MICALL2: variants seen among roughly 807,000 people sequenced by gnomAD.
MICALL2 encodes MICAL like 2.
MICALL2 carries 111 observed loss-of-function variants against 91.1 expected under a neutral mutation model. The observed-to-expected ratio is 1.22, with a 90% confidence interval of 1.04 to 1.43. The LOEUF (loss-of-function observed/expected upper bound fraction) is 1.43, where lower values mean the gene tolerates loss of function less well. Ranked by LOEUF, MICALL2 falls within the 40% of genes most tolerant of loss-of-function variation. MICALL2 has a pLI of 0.00. For missense variants in MICALL2, 1,556 were observed against 1,236.0 expected (o/e 1.26, Z -3.88); for synonymous variants, 694 against 525.3 (o/e 1.32, Z -4.39).
chr7:1,439,363 A>C, intron 9 of MICALL2: 1 of 247,100 alleles, frequency 4.0e-6, no homozygotes, highest in South Asian at 9.0e-5. Context: ...ACATTCATGA[A>C]ACAGATCCAC....
intron 5 of MICALL2, 76 bp downstream of exon 5, chr7:1,446,637 G>GGAGGC: frequency 1.9e-6 from 2 of 1,068,644 alleles, no homozygotes; most frequent in Non-Finnish European, 2.8e-6. Flanking sequence ...AGGCCGGGTG[G>GGAGGC]GAGGCGATGG....
rs1554267313 is a variant in MICALL2 at position 1,442,182 on chromosome 7, C to T, written c.1711+10G>A. 6.2e-7 allele frequency: 1 copy of T among 1,611,686 alleles called. No individual in the cohort carries two copies. The highest frequency in any genetic ancestry group is 8.5e-7 in the Non-Finnish European group (1 of 1,179,726). On this transcript the variant is annotated intron_variant, in intron 7 of 16. Coordinates refer to ENST00000297508, the MANE Select transcript of MICALL2 (RefSeq NM_182924.4). ...CCCCGGGGCCTCCTGCCTCCCAGCC[C>T]CTTACTCACCCTGCGTTAAGGTGGT...
intron 1 of MICALL2, among the ~76,000 whole-genome samples, chr7:1,453,420 C>T (rs991969349): frequency 6.6e-6 from 1 of 152,154 alleles, no homozygotes; most frequent in Non-Finnish European, 1.5e-5. Context: ...CCGGGAAGAT[C>T]CTCCCTCCTG....
At chr7:1,441,693 G>A (rs1317373289) in intron 7 of MICALL2, 5 of 170,882 alleles carry the variant, frequency 2.9e-5, no homozygotes, top group Admixed American at 1.7e-4. Context: ...CGGAGGGGAC[G>A]GGGCATAGGG....
intron 6 of MICALL2, among the ~76,000 whole-genome samples, 189 bp from the exon 7 acceptor site, chr7:1,442,673 C>G (rs1019278317): frequency 4.4e-4 from 62 of 139,694 alleles, no homozygotes; most frequent in Non-Finnish European, 1.3e-4. Context: ...GCCTCCCCCA[C>G]CATTGCACCA....
intron 1 of MICALL2, among the ~76,000 whole-genome samples, chr7:1,454,130 A>G (rs1350296375): frequency 6.8e-6 from 1 of 146,182 alleles, no homozygotes; most frequent in Non-Finnish European, 1.5e-5. Context: ...CCGACATCAC[A>G]CTGTTTACTT....
Position 1,448,652 on chromosome 7 carries a change from T to C in MICALL2, c.302A>G (p.Gln101Arg), listed in dbSNP as rs762573460. 5 of 1,612,704 alleles carry C rather than the reference T, an allele frequency of 3.1e-6. No homozygotes were observed. In the East Asian group the frequency reaches 1.1e-4, roughly 36 times the overall value. ...GCGGCCGTGGAAGTAGTTGTAATAC[T>C]GGGACACGTAGGTCAAGATGCTCAG... ...DRLSILTYVS[Q>R]YYNYFHGRSP... Residue 101 changes from glutamine to arginine, a missense_variant, in exon 3 of 17, where the codon CAG (glutamine) becomes CGG (arginine). By Grantham distance (43) the Gln-to-Arg change is conservative. Transcript: ENST00000297508.
intron 5 of MICALL2, 40 bp from the exon 6 acceptor site, chr7:1,445,468 C>T: frequency 6.9e-7 from 1 of 1,450,222 alleles, no homozygotes; most frequent in Middle Eastern, 2.5e-4. Flanking sequence ...CTCGGCACCG[C>T]CCACCCCGCC....
chr7:1,440,110 A>C (rs750325450), intron 8 of MICALL2, 25 bp from the exon 9 acceptor site: 5 of 1,569,646 alleles, frequency 3.2e-6, no homozygotes, highest in Admixed American at 2.1e-5. Context: ...TGAGGTCGGA[A>C]CCCGAACCAC....
chr7:1,447,680 C>A lies in MICALL2; in HGVS notation c.420G>T (p.Lys140Asn). 6.3e-7 allele frequency: 1 copy of A among 1,583,520 alleles called. No individual in the cohort carries two copies. The highest frequency in any genetic ancestry group is 8.6e-7 in the Non-Finnish European group (1 of 1,165,768). Reference protein sequence around the residue: ...SGKKAPVQAAKLPSPAPARKP... With the variant: ...SGKKAPVQAANLPSPAPARKP... Reference sequence around the variant, plus strand: ...TCCGGGCTGGGGCGGGCGAGGGCAGCTTGGCCGCCTGGACTGGAGCCTTCT... The same window carrying A: ...TCCGGGCTGGGGCGGGCGAGGGCAGATTGGCCGCCTGGACTGGAGCCTTCT... The change falls in exon 4 of 17, where the codon AAG becomes AAT. Residue 140 changes from lysine to asparagine, a missense_variant. Coordinates refer to ENST00000297508, the MANE Select transcript of MICALL2 (RefSeq NM_182924.4).
chr7:1,450,466 G>A (rs896689116), intron 1 of MICALL2, 178 bp from the exon 2 acceptor site: 8 of 616,886 alleles, frequency 1.3e-5, no homozygotes, highest in Admixed American at 2.8e-5. Context: ...GCCCTGCTCC[G>A]GCCACGGTGA....
intron 1 of MICALL2, among the ~76,000 whole-genome samples, chr7:1,450,757 CAG>C (rs1780795598): frequency 6.6e-6 from 1 of 152,196 alleles, no homozygotes; most frequent in Non-Finnish European, 1.5e-5. Context: ...GCACCATATG[CAG>C]AGAGGGCCAG....
At position 1,459,453 on chromosome 7, in the gene MICALL2, C is replaced by G. The variant is rs544195269; in HGVS notation, c.-127G>C. 1 of 918,486 alleles carries G rather than the reference C, an allele frequency of 1.1e-6. No individual in the cohort carries two copies. Among genetic ancestry groups the G allele is most frequent in the Non-Finnish European group, 1.5e-6 (1 of 675,702 alleles). The allele number at this position is 918,486 out of a possible 1,614,324, so 56.9% of individuals were successfully genotyped here. A position where few individuals can be genotyped will look rare whatever the true frequency, so the allele number is the denominator to read the frequency against. ...GAACCGCCAGACCCACGGCGCCCAGCCCCAGCTGAGCCGGACTGAGGGCGA... is the reference window on the plus strand; with the variant it reads ...GAACCGCCAGACCCACGGCGCCCAGGCCCAGCTGAGCCGGACTGAGGGCGA... On this transcript the variant is annotated 5_prime_UTR_variant, in exon 1 of 17. Coordinates refer to ENST00000297508, the MANE Select transcript of MICALL2 (RefSeq NM_182924.4).
chr7:1,438,554 C>T (rs1353188381), intron 10 of MICALL2: 16 of 1,427,238 alleles, frequency 1.1e-5, no homozygotes, highest in South Asian at 6.1e-5. Flanking sequence ...CCACCCTGCA[C>T]CCTGCCCTCC....
At chr7:1,441,908 A>G (rs1780298234) in intron 7 of MICALL2, 1 of 494,042 alleles carries the variant, frequency 2.0e-6, no homozygotes, top group Non-Finnish European at 3.6e-6. Flanking sequence ...GACCGAGCTG[A>G]GCGGGACGCT....
rs575589672 is a variant in MICALL2 at position 1,440,518 on chromosome 7, G to A, written c.1805+73C>T. The A allele has an allele frequency of 1.9e-5, 25 of 1,338,538 alleles. No homozygotes were observed. In the East Asian group the frequency reaches 2.8e-4, roughly 15 times the overall value. The allele number at this position is 1,338,538 out of a possible 1,614,324, so 82.9% of individuals were successfully genotyped here. ...CCCTGGATAGGCGTGTCAATCGGTC[G>A]ATTACATACTCACTGCATTTATTAA... is the stretch of plus-strand genomic sequence containing the variant. On this transcript the variant is annotated intron_variant, in intron 8 of 16. Transcript: ENST00000297508.
intron 1 of MICALL2, 98 bp downstream of exon 1, chr7:1,459,086 G>A: frequency 7.7e-7 from 1 of 1,290,602 alleles, no homozygotes; most frequent in Non-Finnish European, 1.1e-6. Context: ...CCCACGCCTC[G>A]GCTCCCCATC....
In MICALL2 at chr7:1,442,010, C is replaced by A. The variant is rs76911567; in HGVS notation, c.1711+182G>T. The A allele has an allele frequency of 0.011, 7,946 of 721,460 alleles. 427 individuals carry two copies. In the African/African-American group the frequency reaches 0.12, roughly 11 times the overall value. 44.7% of individuals were successfully genotyped at this position (721,460 alleles called of 1,614,324 possible). Reference sequence around the variant, plus strand: ...TAGCCCTGAGGACATTTGCAGCCACCACACAGAGAGCGCACCAGGACCCCA... The same window carrying A: ...TAGCCCTGAGGACATTTGCAGCCACAACACAGAGAGCGCACCAGGACCCCA... On this transcript the variant is annotated intron_variant, in intron 7 of 16. Transcript: ENST00000297508.
intron 6 of MICALL2, among the ~76,000 whole-genome samples, chr7:1,443,738 G>A (rs1177752496): frequency 6.6e-6 from 1 of 152,188 alleles, no homozygotes; most frequent in Non-Finnish European, 1.5e-5. Context: ...GAAGAGACAA[G>A]GACAGGTCCA....
Sources: allele counts gnomAD v4.1 joint callset (sites outside exome capture counted in the v4.1 genomes callset), GRCh38; gene constraint gnomAD v4.1.1; transcripts MANE v1.5; gene names NCBI Gene and HGNC (gene_info 2026-07-23, HGNC 2026-07-21).